SPRR2B: variants seen among roughly 807,000 people sequenced by gnomAD.
SPRR2B encodes the protein small proline rich protein 2B.
Under a neutral mutation model 1.0 loss-of-function variants are expected in SPRR2B, and 1 was observed. The observed-to-expected ratio is 1.01, with a 90% CI of 0.36 to 4.77. The LOEUF is 4.77. Among genes scored for constraint, SPRR2B ranks in the 30% most tolerant of loss-of-function variants. SPRR2B has a pLI of 0.16. For synonymous variants in SPRR2B, 27 were observed against 33.4 expected, an observed-to-expected ratio of 0.81 and a Z score of 0.66; for missense variants, 53 against 88.7, an observed-to-expected ratio of 0.60 and a Z score of 1.62.
chr1:153,077,811 C>T, the SPRR2B span, among the ~76,000 whole-genome samples: 4 of 152,004 alleles, frequency 2.6e-5, no homozygotes, highest in Non-Finnish European at 4.4e-5. Flanking sequence ...GGCAGGGTTT[C>T]GCCATGTTGG....
the SPRR2B span, among the ~76,000 whole-genome samples, chr1:153,084,461 C>T: frequency 1.5e-4 from 23 of 152,196 alleles, no homozygotes; most frequent in Non-Finnish European, 2.9e-4. Flanking sequence ...CTCCTGCACC[C>T]CAAACAAAAA....
At chr1:153,079,447 T>C in the SPRR2B span, among the ~76,000 whole-genome samples, 25 of 152,376 alleles carry the variant, frequency 1.6e-4, no homozygotes, top group East Asian at 4.4e-3. Context: ...CCCATGCCTA[T>C]GTACTGAATG....
the SPRR2B span, among the ~76,000 whole-genome samples, chr1:153,081,631 T>C: frequency 1.3e-5 from 2 of 152,224 alleles, no homozygotes; most frequent in Non-Finnish European, 2.9e-5. Context: ...TACACTGGTA[T>C]ATAAAAGCCA....
the SPRR2B span, among the ~76,000 whole-genome samples, chr1:153,083,017 G>A: frequency 6.6e-6 from 1 of 151,906 alleles, no homozygotes; most frequent in Non-Finnish European, 1.5e-5. Flanking sequence ...AAGAAAGGAG[G>A]AACATTACAC....
chr1:153,085,401 A>G, the SPRR2B span, among the ~76,000 whole-genome samples: 3 of 151,934 alleles, frequency 2.0e-5, no homozygotes, highest in African/African-American at 7.3e-5. Flanking sequence ...AATCACAAGC[A>G]TTAACATCTG....
At chr1:153,087,749 A>G in the SPRR2B span, among the ~76,000 whole-genome samples, 1 of 152,214 alleles carries the variant, frequency 6.6e-6, no homozygotes, top group Non-Finnish European at 1.5e-5. Context: ...TGAATCAGTA[A>G]TAAATAGCCT....
rs773183303 is a variant in SPRR2B at position 153,070,564 on chromosome 1, G to C, written c.*57C>G. 2.3e-4 allele frequency: 359 copies of C among 1,574,396 alleles called. No individual in the cohort carries two copies. The highest frequency in any genetic ancestry group is 2.6e-4 in the Non-Finnish European group (303 of 1,160,506). ...ATGAGAAGATGAAGGTGGAGCTGTG[G>C]AACGAGGTGAGCCAATTATCCTTAT... On this transcript the variant is annotated 3_prime_UTR_variant, in exon 2 of 2. Transcript: ENST00000368755.
chr1:153,084,402 G>A, the SPRR2B span, among the ~76,000 whole-genome samples: 2,502 of 152,144 alleles, frequency 0.016, 66 homozygotes, highest in African/African-American at 0.058. Flanking sequence ...GTATACCCTT[G>A]TGCCAACACT....
chr1:153,079,684 G>C, the SPRR2B span, among the ~76,000 whole-genome samples: 1 of 152,058 alleles, frequency 6.6e-6, no homozygotes, highest in Non-Finnish European at 1.5e-5. Context: ...TAGATATGCA[G>C]CATTATTTCT....
the SPRR2B span, among the ~76,000 whole-genome samples, chr1:153,084,825 A>G: frequency 1.3e-5 from 2 of 152,192 alleles, no homozygotes; most frequent in Admixed American, 6.5e-5. Flanking sequence ...CCTCCATAGC[A>G]CAGTGGATTC....
the SPRR2B span, among the ~76,000 whole-genome samples, chr1:153,078,771 C>T: frequency 6.6e-6 from 1 of 152,198 alleles, no homozygotes; most frequent in Non-Finnish European, 1.5e-5. Context: ...CATTGTTGGA[C>T]ATTTGGGCTG....
At chr1:153,083,849 G>A in the SPRR2B span, among the ~76,000 whole-genome samples, 5 of 152,248 alleles carry the variant, frequency 3.3e-5, no homozygotes, top group East Asian at 3.8e-4. Flanking sequence ...GGTTTGGTAA[G>A]GGAGTGTCTG....
the SPRR2B span, among the ~76,000 whole-genome samples, chr1:153,077,293 A>T: frequency 2.6e-5 from 4 of 152,214 alleles, no homozygotes; most frequent in Admixed American, 6.5e-5. Flanking sequence ...CATTTCCAGA[A>T]ATCAAAACTT....
At chr1:153,082,089 A>T in the SPRR2B span, among the ~76,000 whole-genome samples, 29 of 152,254 alleles carry the variant, frequency 1.9e-4, 1 homozygote, top group Middle Eastern at 0.027. Flanking sequence ...AACGGGTGTT[A>T]ATTCAAATTA....
chr1:153,075,274 G>A (rs1147756), upstream of SPRR2B, among the ~76,000 whole-genome samples: 11,006 of 152,040 alleles, frequency 0.072, 493 homozygotes, highest in African/African-American at 0.13. Context: ...CCCAGGAGGC[G>A]GAGGTTGCAG....
chr1:153,082,730 T>C, the SPRR2B span, among the ~76,000 whole-genome samples: 18 of 151,884 alleles, frequency 1.2e-4, no homozygotes, highest in Non-Finnish European at 2.1e-4. Context: ...GGGAAATTTA[T>C]AGCCATAACC....
At chr1:153,080,132 GA>G in the SPRR2B span, among the ~76,000 whole-genome samples, 60,737 of 151,834 alleles carry the variant, frequency 0.4, 12,568 homozygotes, top group Non-Finnish European at 0.46. Context: ...AGAAAATATA[GA>G]AAGCTATAAA....
At chr1:153,075,825 T>G (rs1214214112), upstream of SPRR2B, among the ~76,000 whole-genome samples, 1 of 152,198 alleles carries the variant, frequency 6.6e-6, no homozygotes, top group Non-Finnish European at 1.5e-5. Context: ...TTGAATGAAG[T>G]GTGCAGAAAT....
chr1:153,085,992 T>C, the SPRR2B span, among the ~76,000 whole-genome samples: 2 of 152,226 alleles, frequency 1.3e-5, no homozygotes, highest in South Asian at 2.1e-4. Flanking sequence ...TAAGGGAATT[T>C]GTTACCCCCA....
Sources: allele counts gnomAD v4.1 joint callset (sites outside exome capture counted in the v4.1 genomes callset), GRCh38; gene constraint gnomAD v4.1.1; transcripts MANE v1.5; gene names NCBI Gene and HGNC (gene_info 2026-07-23, HGNC 2026-07-21).